The following LYSMD1 variants were observed in gnomAD, a reference collection of about 807,000 sequenced individuals.
LYSMD1 encodes lysM and putative peptidoglycan-binding domain-containing protein 1.
A neutral mutation model predicts 19.3 loss-of-function variants in LYSMD1; 9 were observed. That is an observed-to-expected ratio of 0.47 (90% CI 0.28 to 0.81). LYSMD1 has a LOEUF of 0.81. LYSMD1 is among the 40% of genes least tolerant of loss of function. LYSMD1 has a pLI of 0.11. For missense variants in LYSMD1, 262 were observed against 279.8 expected (o/e 0.94, Z 0.45); for synonymous variants, 111 against 111.7 (o/e 0.99, Z 0.04).
At chr1:151,154,706 C>T in the LYSMD1 span, among the ~76,000 whole-genome samples, 2 of 151,940 alleles carry the variant, frequency 1.3e-5, no homozygotes, top group African/African-American at 2.4e-5. Context: ...AGGGCAGAGG[C>T]GCGATCTCGG....
chr1:151,154,849 T>C (rs1683183154), downstream of LYSMD1, among the ~76,000 whole-genome samples: 1 of 152,124 alleles, frequency 6.6e-6, no homozygotes, highest in Admixed American at 6.5e-5. Context: ...TTTCACCATG[T>C]TAGCCAGGAT....
intron 2 of LYSMD1, among the ~76,000 whole-genome samples, 153 bp downstream of exon 2, chr1:151,161,583 T>C (rs1178462167): frequency 2.0e-5 from 3 of 152,082 alleles, no homozygotes; most frequent in East Asian, 3.9e-4. Flanking sequence ...CCAGCAGCCA[T>C]CACCTCTGCT....
intron 1 of LYSMD1, among the ~76,000 whole-genome samples, chr1:151,163,057 C>T (rs1425202421): frequency 1.3e-5 from 2 of 152,198 alleles, no homozygotes; most frequent in African/African-American, 2.4e-5. Context: ...CCCTCTGCCA[C>T]CTCTACATTT....
At chr1:151,149,253 G>A in the LYSMD1 span, among the ~76,000 whole-genome samples, 80 of 152,056 alleles carry the variant, frequency 5.3e-4, no homozygotes, top group Non-Finnish European at 8.2e-4. Flanking sequence ...AAAATTAGCC[G>A]GGTGTGGTGA....
chr1:151,165,331 G>A lies in LYSMD1; in HGVS notation c.-73C>T. The A allele has an allele frequency of 6.4e-7, 1 of 1,554,014 alleles. No individual in the cohort carries two copies. The highest frequency in any genetic ancestry group is 8.7e-7 in the Non-Finnish European group (1 of 1,149,818). On this transcript the variant is annotated 5_prime_UTR_variant, in exon 1 of 3. Coordinates refer to ENST00000368908, the MANE Select transcript of LYSMD1 (RefSeq NM_212551.5). ...CGAGACTGCGACTGACAGGCCTGAA[G>A]TCTGGGAATGAATATTCAGGGGATT... is the stretch of plus-strand genomic sequence containing the variant.
Position 151,164,540 on chromosome 1 carries a change from G to C in LYSMD1, c.180+539C>G, listed in dbSNP as rs955164427. Among the ~76,000 whole-genome samples, 17 of 152,178 alleles carry C rather than the reference G, an allele frequency of 1.1e-4. 1 individual carries two copies. The highest frequency in any genetic ancestry group is 3.4e-3 in the Middle Eastern group (1 of 294). On this transcript the variant is annotated intron_variant, in intron 1 of 2. Coordinates refer to ENST00000368908, the MANE Select transcript of LYSMD1 (RefSeq NM_212551.5). ...AGAGTACCTGTTTTGCACAAAGGAG[G>C]CCACCTTACTGGAAAGAAGGCAGAG... is the stretch of plus-strand genomic sequence containing the variant.
intron 1 of LYSMD1, among the ~76,000 whole-genome samples, chr1:151,163,488 T>C (rs909172156): frequency 3.9e-5 from 6 of 152,090 alleles, no homozygotes; most frequent in Admixed American, 3.3e-4. Context: ...GATAATGAAA[T>C]ATAGAAACTA....
At chr1:151,158,856 G>C (rs778893640), downstream of LYSMD1, 1 of 1,614,204 alleles carries the variant, frequency 6.2e-7, no homozygotes, top group Non-Finnish European at 8.5e-7. Flanking sequence ...CGCACAGCCG[G>C]CCCCAGGCCC....
chr1:151,161,513 A>G (rs1359867015), intron 2 of LYSMD1, among the ~76,000 whole-genome samples: 1 of 150,726 alleles, frequency 6.6e-6, no homozygotes, highest in African/African-American at 2.5e-5. Flanking sequence ...AAAAAAAAAT[A>G]GTTAACTGTC....
At chr1:151,157,909 C>T (rs116326939), downstream of LYSMD1, among the ~76,000 whole-genome samples, 508 of 152,270 alleles carry the variant, frequency 3.3e-3, 8 homozygotes, top group African/African-American at 0.011. Context: ...AAATGAGTTG[C>T]GTTTGATCTT....
At position 151,165,714 on chromosome 1, in the gene LYSMD1, A is replaced by C; in HGVS notation, c.-456T>G. The C allele has an allele frequency of 1.3e-6, 2 of 1,551,726 alleles. No homozygotes were observed. Among genetic ancestry groups the C allele is most frequent in the Non-Finnish European group, 1.7e-6 (2 of 1,147,004 alleles). On this transcript the variant is annotated 5_prime_UTR_variant, in exon 1 of 3. Coordinates refer to ENST00000368908, the MANE Select transcript of LYSMD1 (RefSeq NM_212551.5). ...CCAGGTGAACTGTCGCCGCAGACGA[A>C]GAGCGTGAGGATTGCAAGAATTTGT... is the stretch of plus-strand genomic sequence containing the variant.
Position 151,161,014 on chromosome 1 carries a change from A to G in LYSMD1, c.552T>C (p.Pro184=). The change falls in exon 3 of 3, where the codon CCT becomes CCC. Residue 184 remains proline, a synonymous_variant. Coordinates refer to ENST00000368908, the MANE Select transcript of LYSMD1 (RefSeq NM_212551.5). The part of the protein sequence containing the change: ...QKLKKGENGV[P]GEDAGLHLSS... ...TCAGGTGGAGACCTGCATCCTCCCC[A>G]GGTACCCTGCAATTGAGGAAAGGGG... is the stretch of plus-strand genomic sequence containing the variant. 6.2e-7 allele frequency: 1 copy of G among 1,613,814 alleles called. No individual in the cohort carries two copies. The highest frequency in any genetic ancestry group is 8.5e-7 in the Non-Finnish European group (1 of 1,179,712).
chr1:151,160,795 G>C lies in LYSMD1; in HGVS notation c.*87C>G. Reference sequence around the variant, plus strand: ...GGAGTGGAGGGAGGCAGGCTCATAAGCCATGTTCTTGAGCCTCACCTCAGG... The same window carrying C: ...GGAGTGGAGGGAGGCAGGCTCATAACCCATGTTCTTGAGCCTCACCTCAGG... On this transcript the variant is annotated 3_prime_UTR_variant, in exon 3 of 3. Coordinates refer to ENST00000368908, the MANE Select transcript of LYSMD1 (RefSeq NM_212551.5). 1 of 1,474,452 alleles carries C rather than the reference G, an allele frequency of 6.8e-7. No individual in the cohort carries two copies. The highest frequency in any genetic ancestry group is 9.3e-7 in the Non-Finnish European group (1 of 1,075,114). The allele number at this position is 1,474,452 out of a possible 1,614,324, so 91.3% of individuals were successfully genotyped here.
At chr1:151,161,208 T>C (rs1405453440) in intron 2 of LYSMD1, among the ~76,000 whole-genome samples, 188 bp from the exon 3 acceptor site, 1 of 152,128 alleles carries the variant, frequency 6.6e-6, no homozygotes, top group Non-Finnish European at 1.5e-5. Flanking sequence ...TAAAAACAGT[T>C]AACTGTCAGC....
At position 151,160,940 on chromosome 1, in the gene LYSMD1, G is replaced by A; in HGVS notation, c.626C>T (p.Thr209Ile). ...QRAVLGPVPL[T>I]RTSRTRTLRD... ...TAGTGTCCGGGTCCGAGAGGTACGG[G>A]TCAGCGGCACAGGACCTAGGACTGC... The change falls in exon 3 of 3, where the codon ACC (threonine) becomes ATC (isoleucine). Residue 209 changes from threonine to isoleucine, a missense_variant. Transcript: ENST00000368908. The A allele has an allele frequency of 1.2e-6, 2 of 1,614,228 alleles. No individual in the cohort carries two copies. Among genetic ancestry groups the A allele is most frequent in the East Asian group, 2.2e-5 (1 of 44,882 alleles).
the LYSMD1 span, among the ~76,000 whole-genome samples, chr1:151,152,785 G>T: frequency 1.3e-5 from 2 of 152,172 alleles, no homozygotes; most frequent in Non-Finnish European, 2.9e-5. Flanking sequence ...TTACTTGACT[G>T]CTTTAAATCA....
At chr1:151,162,282 C>G (rs910324502) in intron 1 of LYSMD1, among the ~76,000 whole-genome samples, 182 bp from the exon 2 acceptor site, 1 of 151,994 alleles carries the variant, frequency 6.6e-6, no homozygotes, top group Non-Finnish European at 1.5e-5. Flanking sequence ...TCTTAGGGCC[C>G]CCTTACATTT....
intron 1 of LYSMD1, among the ~76,000 whole-genome samples, chr1:151,163,605 T>C (rs941244623): frequency 3.3e-5 from 5 of 152,034 alleles, no homozygotes; most frequent in African/African-American, 1.2e-4. Context: ...CTCGGCTCAC[T>C]GAAACCTCCG....
chr1:151,162,332 C>T (rs1446587070), intron 1 of LYSMD1, among the ~76,000 whole-genome samples: 1 of 152,048 alleles, frequency 6.6e-6, no homozygotes, highest in Non-Finnish European at 1.5e-5. Context: ...TGTCTGATGC[C>T]TATAATTCCA....
Sources: allele counts gnomAD v4.1 joint callset (sites outside exome capture counted in the v4.1 genomes callset), GRCh38; gene constraint gnomAD v4.1.1; transcripts MANE v1.5; gene names NCBI Gene and HGNC (gene_info 2026-07-23, HGNC 2026-07-21).